The following TRIM5 variants were observed in gnomAD, a reference collection of about 807,000 sequenced individuals.
TRIM5 encodes tripartite motif containing 5.
TRIM5 carries 31 observed loss-of-function variants against 35.6 expected under a neutral mutation model. The observed-to-expected ratio is 0.87, with a 90% CI of 0.65 to 1.18. The LOEUF (loss-of-function observed/expected upper bound fraction) is 1.18, where lower values mean the gene tolerates loss of function less well. Ranked by LOEUF, TRIM5 falls within the 50% of genes most tolerant of loss-of-function variation. The probability of loss-of-function intolerance (pLI) is 0.00; values close to 1 mark genes in which losing one functional copy is unlikely to be tolerated. For synonymous variants in TRIM5, 243 were observed against 215.6 expected (o/e 1.13, Z -1.11); for missense variants, 609 against 591.6 (o/e 1.03, Z -0.31).
intron 5 of TRIM5, chr11:5,666,346 CT>C (rs1263191209): frequency 2.4e-5 from 12 of 499,926 alleles, no homozygotes; most frequent in African/African-American, 2.2e-4. Context: ...TAATTAACCT[CT>C]CCCTGTCTAC....
intron 1 of TRIM5, among the ~76,000 whole-genome samples, chr11:5,682,996 C>T (rs1852631008): frequency 6.6e-6 from 1 of 152,222 alleles, no homozygotes; most frequent in African/African-American, 2.4e-5. Context: ...TGTGGGCCAG[C>T]TGGAGTTCCG....
At chr11:5,659,634 A>G (rs1277509064), downstream of TRIM5, among the ~76,000 whole-genome samples, 1 of 152,208 alleles carries the variant, frequency 6.6e-6, no homozygotes, top group Non-Finnish European at 1.5e-5. Context: ...ACTAAGAATA[A>G]AACTGTAGTG....
the TRIM5 span, chr11:5,634,530 C>CACACACACACATATATATATAT: frequency 9.8e-6 from 2 of 203,886 alleles, no homozygotes; most frequent in African/African-American, 6.9e-5. Context: ...CACACACACA[C>CACACACACACATATATATATAT]ATATATATAT....
the TRIM5 span, among the ~76,000 whole-genome samples, chr11:5,606,181 C>T: frequency 2.0e-5 from 3 of 152,306 alleles, 1 homozygote; most frequent in African/African-American, 7.2e-5. Context: ...GATGTATTAC[C>T]AGCCCTTCTT....
chr11:5,605,239 C>G, the TRIM5 span: 3 of 1,545,198 alleles, frequency 1.9e-6, no homozygotes, highest in Non-Finnish European at 2.7e-6. Flanking sequence ...GGAGGCTTGG[C>G]CCAGGAAAGC....
At chr11:5,673,182 A>G (rs1351969408) in intron 4 of TRIM5, among the ~76,000 whole-genome samples, 1 of 152,154 alleles carries the variant, frequency 6.6e-6, no homozygotes, top group Non-Finnish European at 1.5e-5. Flanking sequence ...TACCTATAGG[A>G]GAGCATATAT....
chr11:5,634,648 G>C, the TRIM5 span: 3 of 1,613,184 alleles, frequency 1.9e-6, no homozygotes, highest in South Asian at 1.1e-5. Flanking sequence ...TACAAACTGA[G>C]AGACAAAGGA....
chr11:5,658,271 G>A (rs1009373017), downstream of TRIM5, among the ~76,000 whole-genome samples: 9 of 152,298 alleles, frequency 5.9e-5, no homozygotes, highest in East Asian at 1.9e-4. Context: ...GAGATTGGTC[G>A]GGGATGTCAG....
the TRIM5 span, among the ~76,000 whole-genome samples, chr11:5,637,656 T>C: frequency 6.6e-6 from 1 of 152,186 alleles, no homozygotes; most frequent in Non-Finnish European, 1.5e-5. Flanking sequence ...ACATTCAGAT[T>C]GCTGTGCAAC....
chr11:5,645,392 C>CAA, the TRIM5 span, among the ~76,000 whole-genome samples: 10,266 of 95,518 alleles, frequency 0.11, 681 homozygotes, highest in Non-Finnish European at 0.15. Flanking sequence ...AACTCTGTCT[C>CAA]AAAAAAAAAA....
chr11:5,622,958 G>A, the TRIM5 span, among the ~76,000 whole-genome samples: 1 of 152,214 alleles, frequency 6.6e-6, no homozygotes, highest in Non-Finnish European at 1.5e-5. Flanking sequence ...TGTCCGCAAA[G>A]GCGGGACAGC....
At chr11:5,648,843 G>A in the TRIM5 span, among the ~76,000 whole-genome samples, 9 of 152,162 alleles carry the variant, frequency 5.9e-5, no homozygotes, top group African/African-American at 2.2e-4. Flanking sequence ...AATAATTAGT[G>A]TTTCTTTGAT....
the TRIM5 span, among the ~76,000 whole-genome samples, chr11:5,621,187 C>A: frequency 0.017 from 2,626 of 152,312 alleles, 69 homozygotes; most frequent in African/African-American, 0.06. Flanking sequence ...CTGGATCACT[C>A]CAGGCTGCTG....
At chr11:5,665,708 T>C (rs369905988) in intron 6 of TRIM5, 26 bp from the exon 7 acceptor site, 1 of 1,495,786 alleles carries the variant, frequency 6.7e-7, no homozygotes, top group Non-Finnish European at 8.8e-7. Context: ...TGCACAATAT[T>C]GAATACAAAC....
intron 5 of TRIM5, chr11:5,666,328 A>G: frequency 1.7e-6 from 1 of 576,300 alleles, no homozygotes; most frequent in Non-Finnish European, 3.2e-6. Flanking sequence ...CTTCCTTCTA[A>G]AATGAAATAA....
chr11:5,592,043 C>G, the TRIM5 span, among the ~76,000 whole-genome samples: 1 of 152,048 alleles, frequency 6.6e-6, no homozygotes, highest in Non-Finnish European at 1.5e-5. Context: ...GAGGTCTGAT[C>G]TATAGTTAAT....
chr11:5,679,670 C>T, intron 2 of TRIM5, 91 bp downstream of exon 2: 1 of 1,363,992 alleles, frequency 7.3e-7, no homozygotes. Context: ...TCAGGTCTAT[C>T]ATGACAAGGC....
chr11:5,599,693 G>T, the TRIM5 span, among the ~76,000 whole-genome samples: 1 of 143,634 alleles, frequency 7.0e-6, no homozygotes. Flanking sequence ...TTGGGCCACC[G>T]CGCCCGGCCA....
At chr11:5,668,090 G>A (rs906008440) in intron 4 of TRIM5, among the ~76,000 whole-genome samples, 1 of 151,980 alleles carries the variant, frequency 6.6e-6, no homozygotes, top group Non-Finnish European at 1.5e-5. Flanking sequence ...AACATAGCAT[G>A]ACCGCATCTC....
Sources: gnomAD v4.1 joint callset for allele counts (sites outside exome capture counted in the v4.1 genomes callset) on GRCh38, gnomAD v4.1.1 for gene constraint, MANE v1.5 for transcripts, NCBI Gene and HGNC (gene_info 2026-07-23, HGNC 2026-07-21) for gene names.